FBXO34: variants seen among roughly 807,000 people sequenced by gnomAD.
FBXO34 encodes F-box only protein 34.
In FBXO34, 12 loss-of-function variants were observed where a neutral mutation model predicts 24.5. The observed-to-expected ratio is 0.49, with a 90% CI of 0.31 to 0.79. The LOEUF is 0.79. Among genes scored for constraint, FBXO34 ranks in the 30% least tolerant of loss-of-function variants. The pLI, the probability that FBXO34 is intolerant of heterozygous loss-of-function variation, is 0.04. For missense variants in FBXO34, 823 were observed against 857.7 expected, an observed-to-expected ratio of 0.96 and a Z score of 0.51; for synonymous variants, 320 against 311.9, an observed-to-expected ratio of 1.03 and a Z score of -0.27.
intron 1 of FBXO34, among the ~76,000 whole-genome samples, chr14:55,295,387 A>ATTTTTTTTTTTT (rs3051307): frequency 3.2e-4 from 29 of 91,354 alleles, no homozygotes; most frequent in Non-Finnish European, 3.4e-4. Context: ...ATTCTTTTCT[A>ATTTTTTTTTTTT]TTTTTTTTTT....
At chr14:55,443,025 A>C in the FBXO34 span, among the ~76,000 whole-genome samples, 2 of 152,230 alleles carry the variant, frequency 1.3e-5, no homozygotes, top group Non-Finnish European at 2.9e-5. Context: ...AACTGTAAGA[A>C]AATAAATTTC....
At chr14:55,310,297 T>C (rs1445651229) in intron 1 of FBXO34, among the ~76,000 whole-genome samples, 1 of 152,168 alleles carries the variant, frequency 6.6e-6, no homozygotes, top group South Asian at 2.1e-4. Context: ...TCTGTGCAAA[T>C]TGGCAAAATT....
chr14:55,420,175 A>T, the FBXO34 span, among the ~76,000 whole-genome samples: 1 of 152,194 alleles, frequency 6.6e-6, no homozygotes, highest in East Asian at 1.9e-4. Context: ...GGTTCAAGCG[A>T]TTCTCCTGCC....
chr14:55,274,650 T>C (rs2139620166), intron 1 of FBXO34, among the ~76,000 whole-genome samples: 1 of 152,348 alleles, frequency 6.6e-6, no homozygotes, highest in South Asian at 2.1e-4. Context: ...ATATGTTTAT[T>C]GGATCAGTTA....
intron 1 of FBXO34, chr14:55,298,982 C>T: frequency 2.5e-6 from 4 of 1,606,146 alleles, no homozygotes; most frequent in Non-Finnish European, 3.4e-6. Flanking sequence ...ACATGGACAT[C>T]GATAAAGTTG....
chr14:55,290,220 C>T (rs1477114234), intron 1 of FBXO34, among the ~76,000 whole-genome samples: 1 of 151,794 alleles, frequency 6.6e-6, no homozygotes, highest in African/African-American at 2.4e-5. Flanking sequence ...ATGGTGAAAC[C>T]CCGTCTCTAC....
the FBXO34 span, among the ~76,000 whole-genome samples, chr14:55,438,361 C>G: frequency 1.3e-5 from 2 of 152,030 alleles, no homozygotes; most frequent in Middle Eastern, 3.2e-3. Context: ...GATTTTTGAC[C>G]TCTATTTCAT....
the FBXO34 span, among the ~76,000 whole-genome samples, chr14:55,392,371 G>A: frequency 6.6e-6 from 1 of 152,044 alleles, no homozygotes; most frequent in African/African-American, 2.4e-5. Context: ...ATCTATGGCC[G>A]GGTGCAGTGA....
the FBXO34 span, among the ~76,000 whole-genome samples, chr14:55,428,028 G>GC: frequency 0.28 from 41,084 of 145,388 alleles, 7,437 homozygotes; most frequent in African/African-American, 0.53. Flanking sequence ...ACGTGCTACA[G>GC]CATTCTTTTT....
At chr14:55,361,599 A>T (rs561374822) in intron 3 of FBXO34, 1 of 152,214 alleles carries the variant, frequency 6.6e-6, no homozygotes, top group South Asian at 2.1e-4. Context: ...AAAATCCTAG[A>T]TGGTATCTTC....
At chr14:55,405,072 A>T in the FBXO34 span, among the ~76,000 whole-genome samples, 1 of 152,094 alleles carries the variant, frequency 6.6e-6, no homozygotes, top group Non-Finnish European at 1.5e-5. Flanking sequence ...CCATAAACAA[A>T]CTCCATGGGA....
the FBXO34 span, chr14:55,413,728 CT>C: frequency 3.3e-6 from 1 of 301,112 alleles, no homozygotes. Context: ...TTACTTGGCT[CT>C]TAGAGTGCCA....
chr14:55,305,444 T>C (rs1270156113), intron 1 of FBXO34, among the ~76,000 whole-genome samples: 1 of 147,608 alleles, frequency 6.8e-6, no homozygotes, highest in Non-Finnish European at 1.5e-5. Context: ...TTAGTCCGGG[T>C]GCGGTGCGTG....
At chr14:55,369,717 C>T (rs1033237349), downstream of FBXO34, 4 of 1,612,160 alleles carry the variant, frequency 2.5e-6, no homozygotes, top group South Asian at 4.4e-5. Flanking sequence ...GGTGGGGACG[C>T]CTGGGTGCTC....
intron 1 of FBXO34, among the ~76,000 whole-genome samples, chr14:55,320,874 A>G (rs1883110156): frequency 6.6e-6 from 1 of 152,268 alleles, no homozygotes. Context: ...TGGCTGTTAT[A>G]AAATGGGAAC....
chr14:55,327,869 C>G, intron 1 of FBXO34, among the ~76,000 whole-genome samples: 1 of 134,326 alleles, frequency 7.4e-6, no homozygotes, highest in East Asian at 2.3e-4. Flanking sequence ...TACCACAGAT[C>G]TTAGCAACCT....
chr14:55,305,560 G>A (rs997937802), intron 1 of FBXO34, among the ~76,000 whole-genome samples: 1 of 151,706 alleles, frequency 6.6e-6, no homozygotes, highest in East Asian at 1.9e-4. Flanking sequence ...GCCAGGTGTG[G>A]TAGTGCGTGT....
chr14:55,341,377 A>G (rs1883986292), intron 1 of FBXO34, among the ~76,000 whole-genome samples: 1 of 152,212 alleles, frequency 6.6e-6, no homozygotes, highest in Non-Finnish European at 1.5e-5. Flanking sequence ...CCTAGAAGAA[A>G]GTTTAGAATC....
the FBXO34 span, among the ~76,000 whole-genome samples, chr14:55,432,012 A>T: frequency 3.3e-5 from 5 of 152,242 alleles, no homozygotes; most frequent in African/African-American, 1.2e-4. Flanking sequence ...CAATATTTGT[A>T]TAATACTGTG....
Sources: allele counts gnomAD v4.1 joint callset (sites outside exome capture counted in the v4.1 genomes callset), GRCh38; gene constraint gnomAD v4.1.1; transcripts MANE v1.5; gene names NCBI Gene and HGNC (gene_info 2026-07-23, HGNC 2026-07-21).